MYLK: variants seen among roughly 807,000 people sequenced by gnomAD.
MYLK encodes myosin light chain kinase, smooth muscle.
A neutral mutation model predicts 203.4 loss-of-function variants in MYLK; 106 were observed. That is an observed-to-expected ratio of 0.52 (90% CI 0.45 to 0.61). MYLK has a LOEUF of 0.61. Ranked by LOEUF, MYLK falls within the 20% of genes least tolerant of loss-of-function variation. MYLK has a pLI of 0.00. For synonymous variants in MYLK, 867 were observed against 959.5 expected (o/e 0.90, Z 1.78); for missense variants, 2,072 against 2,442.3 (o/e 0.85, Z 3.20).
chr3:123,796,000 A>G (rs1480045541), intron 3 of MYLK, among the ~76,000 whole-genome samples: 1 of 152,190 alleles, frequency 6.6e-6, no homozygotes, highest in Non-Finnish European at 1.5e-5. Flanking sequence ...GCTCATTTGT[A>G]ATAGGGCACA....
chr3:123,709,941 C>A (rs747062744), intron 13 of MYLK, 48 bp from the exon 14 acceptor site: 72 of 1,610,658 alleles, frequency 4.5e-5, no homozygotes, highest in Non-Finnish European at 6.1e-5. Flanking sequence ...TGCATTCATT[C>A]AACAAACACA....
intron 4 of MYLK, among the ~76,000 whole-genome samples, chr3:123,758,340 A>G (rs2063425697): frequency 6.6e-6 from 1 of 152,214 alleles, no homozygotes; most frequent in Admixed American, 6.5e-5. Flanking sequence ...TAAAAACAGC[A>G]ATTAGTGAGA....
At chr3:123,765,856 C>T (rs2063685537) in intron 4 of MYLK, among the ~76,000 whole-genome samples, 1 of 152,126 alleles carries the variant, frequency 6.6e-6, no homozygotes, top group Non-Finnish European at 1.5e-5. Flanking sequence ...ATGTGAGGTA[C>T]CTAGAGTAGT....
At chr3:123,727,462 C>T (rs532582546) in intron 11 of MYLK, among the ~76,000 whole-genome samples, 1 of 152,298 alleles carries the variant, frequency 6.6e-6, no homozygotes, top group South Asian at 2.1e-4. Context: ...AGTCATTTAA[C>T]CTTACTAAAG....
chr3:123,865,651 A>G (rs1236190400), intron 2 of MYLK, among the ~76,000 whole-genome samples: 1 of 152,246 alleles, frequency 6.6e-6, no homozygotes, highest in Non-Finnish European at 1.5e-5. Context: ...ATAATTCACC[A>G]TAAGTCCTGA....
At chr3:123,865,868 G>A (rs1207276334) in intron 2 of MYLK, among the ~76,000 whole-genome samples, 1 of 152,146 alleles carries the variant, frequency 6.6e-6, no homozygotes, top group Non-Finnish European at 1.5e-5. Flanking sequence ...AAAAGACCAG[G>A]GAGTCTTCAC....
intron 4 of MYLK, among the ~76,000 whole-genome samples, chr3:123,759,775 C>G (rs2108919667): frequency 6.6e-6 from 1 of 152,338 alleles, no homozygotes; most frequent in East Asian, 1.9e-4. Context: ...CTTAGCCTAT[C>G]TGCAGCCGTT....
chr3:123,823,954 C>T (rs1223854144), intron 3 of MYLK, among the ~76,000 whole-genome samples: 1 of 152,112 alleles, frequency 6.6e-6, no homozygotes, highest in African/African-American at 2.4e-5. Flanking sequence ...CTCAAGACCC[C>T]CTCCTTTATT....
intron 20 of MYLK, among the ~76,000 whole-genome samples, chr3:123,677,514 A>G (rs2060108619): frequency 6.6e-6 from 1 of 152,042 alleles, no homozygotes. Context: ...TAGGTGGAAG[A>G]GTGTGGGGTG....
chr3:123,617,346 A>G (rs570090766), intron 33 of MYLK: 1 of 152,350 alleles, frequency 6.6e-6, no homozygotes, highest in African/African-American at 2.4e-5. Flanking sequence ...TGCAATGGTA[A>G]TGGTGAGAAT....
chr3:123,774,479 A>G (rs1025250473), intron 4 of MYLK, among the ~76,000 whole-genome samples: 1 of 149,232 alleles, frequency 6.7e-6, no homozygotes, highest in African/African-American at 2.4e-5. Flanking sequence ...TTACCATACT[A>G]ATTTTATAGG....
At chr3:123,661,847 G>A (rs2059574091) in intron 23 of MYLK, among the ~76,000 whole-genome samples, 2 of 152,180 alleles carry the variant, frequency 1.3e-5, no homozygotes, top group South Asian at 4.1e-4. Context: ...AATCTTCCAG[G>A]GGGCTTTGCA....
In MYLK at chr3:123,649,045, A is replaced by C. The variant is rs367629715; in HGVS notation, c.4341T>G (p.Val1447=). The C allele has an allele frequency of 8.7e-6, 14 of 1,614,072 alleles. No homozygotes were observed. The highest frequency in any genetic ancestry group is 2.7e-5 in the African/African-American group (2 of 74,920). ...VSDDDEKEPE[V]DYRTVTINTE... ...TATTGATTGTCACTGTCCGGTAATC[A>C]ACCTCGGGCTCCTTCTCATCTGTGG... Residue 1447 remains valine, a synonymous_variant, in exon 26 of 34, where the codon GTT becomes GTG. Transcript: ENST00000360304.
In MYLK at chr3:123,733,912, C is replaced by T. The variant is rs1347141367; in HGVS notation, c.1084G>A (p.Gly362Arg). The change falls in exon 10 of 34, where the codon GGG becomes AGG. Residue 362 changes from glycine to arginine, a missense_variant. Around this residue, in one of 3 missense-constraint regions of MYLK, gnomAD observed 683 missense variants for 643.8 expected, o/e 1.06. Coordinates refer to ENST00000360304, the MANE Select transcript of MYLK (RefSeq NM_053025.4). The part of the protein sequence containing the change: ...VQPEPRAPGL[G>R]VLSPSGEERK... ...TCTTCTCCAGAAGGTGATAGGACCC[C>T]CAGGCCTGGTGCTCTTGGTTCCGGC... The T allele has an allele frequency of 1.9e-6, 3 of 1,614,150 alleles. No individual in the cohort carries two copies. The East Asian group carries it at 6.7e-5, about 36-fold the overall frequency.
At chr3:123,726,699 C>T (rs2062300794) in intron 11 of MYLK, among the ~76,000 whole-genome samples, 1 of 152,120 alleles carries the variant, frequency 6.6e-6, no homozygotes, top group Non-Finnish European at 1.5e-5. Flanking sequence ...GTAATGATGC[C>T]CTTGTGTGGT....
At chr3:123,701,845 G>A (rs2061243820) in intron 16 of MYLK, among the ~76,000 whole-genome samples, 2 of 152,228 alleles carry the variant, frequency 1.3e-5, no homozygotes, top group African/African-American at 4.8e-5. Context: ...GAAGGAGAAA[G>A]GCTAACCCTG....
chr3:123,622,724 T>A (rs1559974633), intron 31 of MYLK: 1 of 152,210 alleles, frequency 6.6e-6, no homozygotes, highest in Non-Finnish European at 1.5e-5. Context: ...TATTTGGGAA[T>A]TGATTTGTGA....
Position 123,666,254 on chromosome 3 carries a change from G to A in MYLK, c.3796C>T (p.Pro1266Ser). The A allele has an allele frequency of 1.2e-6, 2 of 1,614,192 alleles. No individual in the cohort carries two copies. Among genetic ancestry groups the A allele is most frequent in the Non-Finnish European group, 1.7e-6 (2 of 1,180,038 alleles). ...AACTTCATCCAGGTACAGGTGATGG[G>A]CTGAGTGCCTGTCACTTTGCCAAAC... The part of the protein sequence containing the change: ...ELFGKVTGTQ[P>S]ITCTWMKFRK... The change falls in exon 22 of 34, where the codon CCC becomes TCC. Residue 1266 changes from proline (P) to serine (S), a missense_variant. Pro to Ser is a moderately conservative substitution (Grantham distance 74, BLOSUM62 -1). Transcript: ENST00000360304.
intron 4 of MYLK, among the ~76,000 whole-genome samples, chr3:123,788,803 T>C (rs768483455): frequency 4.6e-5 from 7 of 152,142 alleles, no homozygotes; most frequent in Non-Finnish European, 7.4e-5. Context: ...CAGGGCTGGC[T>C]CTTTATCACA....
Sources: allele counts gnomAD v4.1 joint callset (sites outside exome capture counted in the v4.1 genomes callset), GRCh38; gene constraint gnomAD v4.1.1; regional missense constraint gnomAD v4.1.1; transcripts MANE v1.5; gene names NCBI Gene and HGNC (gene_info 2026-07-23, HGNC 2026-07-21).